ZFAT: variants seen among roughly 807,000 people sequenced by gnomAD.
ZFAT encodes the protein zinc finger and AT-hook domain containing.
A neutral mutation model predicts 117.7 loss-of-function variants in ZFAT; 64 were observed. The ratio of observed to expected loss-of-function variants is 0.54; its 90% CI spans 0.44 to 0.67. ZFAT has a LOEUF of 0.67. Among genes scored for constraint, ZFAT ranks in the 30% least tolerant of loss-of-function variants. The pLI, the probability that ZFAT is intolerant of heterozygous loss-of-function variation, is 0.00. For synonymous variants in ZFAT, 679 were observed against 615.0 expected, an observed-to-expected ratio of 1.10 and a Z score of -1.54; for missense variants, 1,433 against 1,584.5, an observed-to-expected ratio of 0.90 and a Z score of 1.62.
chr8:134,761,918 T>G, the ZFAT span, among the ~76,000 whole-genome samples: 1 of 152,030 alleles, frequency 6.6e-6, no homozygotes, highest in Non-Finnish European at 1.5e-5. Context: ...CCAGATCCCC[T>G]CCTCATGTCT....
chr8:134,567,508 T>A (rs1824558731), intron 10 of ZFAT, among the ~76,000 whole-genome samples: 1 of 151,470 alleles, frequency 6.6e-6, no homozygotes, highest in Non-Finnish European at 1.5e-5. Context: ...TCAACCATAA[T>A]CCACCCATCT....
At chr8:134,510,219 C>T (rs765990279) in intron 14 of ZFAT, 37 of 445,200 alleles carry the variant, frequency 8.3e-5, no homozygotes, top group Non-Finnish European at 1.3e-4. Context: ...AATTATTCAA[C>T]GAGTAGGCTT....
chr8:134,827,675 G>A, the ZFAT span, among the ~76,000 whole-genome samples: 3 of 151,586 alleles, frequency 2.0e-5, no homozygotes, highest in Admixed American at 6.6e-5. Flanking sequence ...GGCTGAGGCA[G>A]GAGAATTGCT....
the ZFAT span, among the ~76,000 whole-genome samples, chr8:134,737,481 G>A: frequency 3.9e-5 from 6 of 152,204 alleles, no homozygotes; most frequent in Non-Finnish European, 8.8e-5. Context: ...GGCTCTGTGT[G>A]TTCAGTCATG....
the ZFAT span, among the ~76,000 whole-genome samples, chr8:134,772,265 C>T: frequency 2.0e-5 from 3 of 152,310 alleles, no homozygotes; most frequent in East Asian, 5.8e-4. Context: ...AAAGCTAAGA[C>T]AGGCCTAAGG....
rs113434059 is a variant in ZFAT at position 134,707,231 on chromosome 8, C to G, written c.19+5614G>C. Reference sequence around the variant, plus strand: ...CCCTGGGGCTGGGGTAGATGCACCCCCTCTGAAACCCTCAATACTCAAGGC... The same window carrying G: ...CCCTGGGGCTGGGGTAGATGCACCCGCTCTGAAACCCTCAATACTCAAGGC... On this transcript the variant is annotated intron_variant, in intron 1 of 15. Transcript: ENST00000377838. 5.6e-4 allele frequency among the ~76,000 whole-genome samples: 85 copies of G among 152,302 alleles called. 1 individual carries two copies. Among genetic ancestry groups the G allele is most frequent in the African/African-American group, 1.9e-3 (77 of 41,556 alleles).
chr8:134,806,697 C>T, the ZFAT span, among the ~76,000 whole-genome samples: 1 of 152,158 alleles, frequency 6.6e-6, no homozygotes, highest in African/African-American at 2.4e-5. Flanking sequence ...ACAAACAATA[C>T]ATAGAATATT....
the ZFAT span, among the ~76,000 whole-genome samples, chr8:134,739,260 G>C: frequency 6.6e-6 from 1 of 151,278 alleles, no homozygotes; most frequent in Non-Finnish European, 1.5e-5. Context: ...AGTATCTACA[G>C]AGAAGCACTC....
At chr8:134,586,194 T>C (rs1454649324) in intron 9 of ZFAT, among the ~76,000 whole-genome samples, 1 of 152,254 alleles carries the variant, frequency 6.6e-6, no homozygotes, top group Non-Finnish European at 1.5e-5. Flanking sequence ...ACAGCAGCCT[T>C]TCGCTTTCTG....
At position 134,697,072 on chromosome 8, in the gene ZFAT, C is replaced by T. The variant is rs116412957; in HGVS notation, c.19+15773G>A. Among the ~76,000 whole-genome samples, 941 of 151,752 alleles carry T rather than the reference C, an allele frequency of 6.2e-3. 11 individuals carry two copies. Among genetic ancestry groups the T allele is most frequent in the African/African-American group, 0.021 (878 of 41,334 alleles). ...AGCTGGGATTACAGGTGCCCACCGC[C>T]ACATCTGGCTAATTGTTTTGGTTTG... On this transcript the variant is annotated intron_variant, in intron 1 of 15. Coordinates refer to ENST00000377838, the MANE Select transcript of ZFAT (RefSeq NM_020863.4).
chr8:134,828,166 C>A, the ZFAT span, among the ~76,000 whole-genome samples: 3 of 152,116 alleles, frequency 2.0e-5, no homozygotes, highest in African/African-American at 7.2e-5. Context: ...ATGGAAAACA[C>A]TTCTTTTAAT....
At chr8:134,683,785 G>C (rs1009843091) in intron 1 of ZFAT, among the ~76,000 whole-genome samples, 2 of 152,104 alleles carry the variant, frequency 1.3e-5, no homozygotes, top group Non-Finnish European at 2.9e-5. Flanking sequence ...GGAGACAGGG[G>C]GTGGGGCACT....
chr8:134,512,709 A>G (rs2130392254), intron 13 of ZFAT, 108 bp from the exon 14 acceptor site: 2 of 1,356,872 alleles, frequency 1.5e-6, no homozygotes, highest in Non-Finnish European at 2.0e-6. Flanking sequence ...AAAGCAATAC[A>G]TTGCAACATC....
chr8:134,623,336 C>T (rs907107930), intron 3 of ZFAT, among the ~76,000 whole-genome samples: 1 of 152,196 alleles, frequency 6.6e-6, no homozygotes, highest in African/African-American at 2.4e-5. Context: ...CAGGAGGCTG[C>T]CCTTGGTGGT....
rs1322376572 is a variant in ZFAT at position 134,601,697 on chromosome 8, G to A, written c.2022C>T (p.Leu674=). 3 of 1,613,610 alleles carry A rather than the reference G, an allele frequency of 1.9e-6. No individual in the cohort carries two copies. The East Asian group carries it at 6.7e-5, about 36-fold the overall frequency. Residue 674 remains leucine, a synonymous_variant, in exon 6 of 16, where the codon CTC becomes CTT. Transcript: ENST00000377838. ...CTGAGGCCTCAGCTGGGTTTGACCTGAGACACCTGCTGGGATCTGGGTCAC... is the reference window on the plus strand; with the variant it reads ...CTGAGGCCTCAGCTGGGTTTGACCTAAGACACCTGCTGGGATCTGGGTCAC... ...SAGDPDPSRC[L]RSNPAEASDL...
intron 15 of ZFAT, among the ~76,000 whole-genome samples, chr8:134,480,672 G>A (rs944371532): frequency 3.9e-5 from 6 of 152,232 alleles, no homozygotes; most frequent in Non-Finnish European, 8.8e-5. Flanking sequence ...GGGGAGCCAT[G>A]ACTCCCAGGA....
the ZFAT span, among the ~76,000 whole-genome samples, chr8:134,761,870 G>A: frequency 3.3e-5 from 5 of 151,994 alleles, no homozygotes; most frequent in East Asian, 1.9e-4. Context: ...ACTTCAGGTC[G>A]CAGGTTGGCT....
In ZFAT at chr8:134,548,352, G is replaced by A. The variant is rs144806292; in HGVS notation, c.2977-15380C>T. ...GAGAGAAGCCCCGTGTGGCTACCTG[G>A]GAGAAAAGCAGAGTGAGAAGTGGGA... On this transcript the variant is annotated intron_variant, in intron 11 of 15. Transcript: ENST00000377838. 1.9e-4 allele frequency among the ~76,000 whole-genome samples: 29 copies of A among 152,278 alleles called. No individual in the cohort carries two copies. In the East Asian group the frequency reaches 5.4e-3, roughly 28 times the overall value.
intron 1 of ZFAT, among the ~76,000 whole-genome samples, chr8:134,661,430 G>C (rs1357741822): frequency 6.6e-6 from 1 of 152,226 alleles, no homozygotes; most frequent in Non-Finnish European, 1.5e-5. Context: ...GAGGCCCCAC[G>C]TGCCTGAGCT....
Sources: gnomAD v4.1 joint callset for allele counts (sites outside exome capture counted in the v4.1 genomes callset) on GRCh38, gnomAD v4.1.1 for gene constraint, MANE v1.5 for transcripts, NCBI Gene and HGNC (gene_info 2026-07-23, HGNC 2026-07-21) for gene names.